TMEM38B: variants seen among roughly 807,000 people sequenced by gnomAD.
The protein encoded by TMEM38B is trimeric intracellular cation channel type B.
TMEM38B carries 24 observed loss-of-function variants against 28.7 expected under a neutral mutation model. That is an observed-to-expected ratio of 0.84 (90% CI 0.61 to 1.18). The LOEUF (loss-of-function observed/expected upper bound fraction) is 1.18, where lower values mean the gene tolerates loss of function less well. Among genes scored for constraint, TMEM38B ranks in the 50% most tolerant of loss-of-function variants. TMEM38B has a pLI of 0.00. For missense variants in TMEM38B, 380 were observed against 350.9 expected (o/e 1.08, Z -0.66); for synonymous variants, 131 against 127.7 (o/e 1.03, Z -0.17).
At chr9:105,711,495 A>C (rs894237906) in intron 2 of TMEM38B, among the ~76,000 whole-genome samples, 2 of 152,030 alleles carry the variant, frequency 1.3e-5, no homozygotes, top group Admixed American at 6.6e-5. Context: ...AAAGCCAAAC[A>C]TAAGACCTAA....
chr9:105,727,153 G>C (rs1836546845), intron 4 of TMEM38B, among the ~76,000 whole-genome samples: 1 of 151,998 alleles, frequency 6.6e-6, no homozygotes, highest in South Asian at 2.1e-4. Context: ...TTATACATTA[G>C]ATCTTTAGAC....
intron 5 of TMEM38B, among the ~76,000 whole-genome samples, chr9:105,766,208 G>T (rs1343400118): frequency 6.6e-6 from 1 of 152,166 alleles, no homozygotes; most frequent in Non-Finnish European, 1.5e-5. Flanking sequence ...CAAAATGGTT[G>T]TATCATTTTA....
intron 2 of TMEM38B, among the ~76,000 whole-genome samples, chr9:105,718,310 C>T (rs1836185706): frequency 1.3e-5 from 2 of 151,496 alleles, no homozygotes; most frequent in Non-Finnish European, 2.9e-5. Context: ...ACGATCTCAG[C>T]TCACTGCAAC....
intron 4 of TMEM38B, among the ~76,000 whole-genome samples, chr9:105,738,715 C>CTTTTTTTTTTTTTTTTT (rs71489351): frequency 9.1e-6 from 1 of 109,690 alleles, no homozygotes; most frequent in African/African-American, 4.1e-5. Context: ...TAATTTTTTC[C>CTTTTTTTTTTTTTTTTT]TTTTTTTTTT....
chr9:105,699,095 A>G (rs759823215), intron 1 of TMEM38B, among the ~76,000 whole-genome samples: 5 of 152,038 alleles, frequency 3.3e-5, no homozygotes, highest in African/African-American at 7.2e-5. Flanking sequence ...TACACTCCAT[A>G]TATGTCTTTT....
At chr9:105,695,620 CCTCTT>C (rs372238033) in intron 1 of TMEM38B, among the ~76,000 whole-genome samples, 6 of 152,130 alleles carry the variant, frequency 3.9e-5, no homozygotes, top group African/African-American at 1.4e-4. Flanking sequence ...GTTGTATGGA[CCTCTT>C]CTTTCTTTGA....
At chr9:105,726,143 A>G (rs945549073) in intron 4 of TMEM38B, among the ~76,000 whole-genome samples, 3 of 152,088 alleles carry the variant, frequency 2.0e-5, no homozygotes, top group Non-Finnish European at 4.4e-5. Flanking sequence ...GGAACATTCT[A>G]ATTCTACTCT....
intron 4 of TMEM38B, among the ~76,000 whole-genome samples, chr9:105,724,980 T>G (rs920204682): frequency 2.6e-5 from 4 of 152,138 alleles, no homozygotes; most frequent in African/African-American, 9.7e-5. Flanking sequence ...CCTTTCCAGT[T>G]TGCTTTGATT....
intron 5 of TMEM38B, among the ~76,000 whole-genome samples, chr9:105,764,546 A>G (rs1439856133): frequency 1.3e-5 from 2 of 152,218 alleles, no homozygotes; most frequent in Non-Finnish European, 2.9e-5. Flanking sequence ...GACCTCTTCA[A>G]GGAGAACTGC....
At chr9:105,697,120 T>C (rs1350069462) in intron 1 of TMEM38B, among the ~76,000 whole-genome samples, 1 of 152,242 alleles carries the variant, frequency 6.6e-6, no homozygotes, top group South Asian at 2.1e-4. Context: ...TTCTGTGTTT[T>C]TGGACAGACA....
At chr9:105,751,942 G>T (rs551912917) in intron 5 of TMEM38B, among the ~76,000 whole-genome samples, 1 of 152,188 alleles carries the variant, frequency 6.6e-6, no homozygotes, top group Non-Finnish European at 1.5e-5. Flanking sequence ...GTAGCTCTCA[G>T]GGGGAGGAGT....
intron 5 of TMEM38B, among the ~76,000 whole-genome samples, chr9:105,768,096 G>C (rs1331474787): frequency 6.6e-6 from 1 of 152,060 alleles, no homozygotes; most frequent in African/African-American, 2.4e-5. Context: ...GGTTAAGGAA[G>C]TTCTCTTTTA....
intron 5 of TMEM38B, among the ~76,000 whole-genome samples, chr9:105,768,008 A>C (rs1035455683): frequency 6.6e-6 from 1 of 152,008 alleles, no homozygotes; most frequent in African/African-American, 2.4e-5. Context: ...TTTGTTTGTG[A>C]CCTTAGTGGG....
At chr9:105,742,266 G>A (rs1384119994) in intron 4 of TMEM38B, among the ~76,000 whole-genome samples, 1 of 152,174 alleles carries the variant, frequency 6.6e-6, no homozygotes. Flanking sequence ...CCTGTGGCCA[G>A]GCCCATAGGC....
At chr9:105,756,897 GA>G (rs1222302705) in intron 5 of TMEM38B, among the ~76,000 whole-genome samples, 3 of 151,932 alleles carry the variant, frequency 2.0e-5, no homozygotes, top group African/African-American at 7.3e-5. Context: ...TAATCATAAT[GA>G]TTTTTTTATC....
At chr9:105,750,857 A>C (rs1311180783) in intron 5 of TMEM38B, among the ~76,000 whole-genome samples, 1 of 152,120 alleles carries the variant, frequency 6.6e-6, no homozygotes, top group East Asian at 1.9e-4. Flanking sequence ...TCTCATGTGG[A>C]TATATAGTTG....
intron 5 of TMEM38B, chr9:105,760,629 C>A (rs1320979940): frequency 1.5e-5 from 12 of 804,514 alleles, no homozygotes; most frequent in Non-Finnish European, 2.7e-5. Context: ...AGAAGGAATA[C>A]CCCTTGATAT....
chr9:105,759,566 C>G, intron 5 of TMEM38B: 9 of 1,549,904 alleles, frequency 5.8e-6, no homozygotes, highest in Non-Finnish European at 8.0e-6. Context: ...AATAGCAAAC[C>G]AAGTTGCTGT....
intron 2 of TMEM38B, among the ~76,000 whole-genome samples, chr9:105,709,204 T>A (rs1835800212): frequency 6.6e-6 from 1 of 152,186 alleles, no homozygotes; most frequent in South Asian, 2.1e-4. Flanking sequence ...AGTTAAATAC[T>A]TATTTTGGGG....
Sources: allele counts gnomAD v4.1 joint callset (sites outside exome capture counted in the v4.1 genomes callset), GRCh38; gene constraint gnomAD v4.1.1; transcripts MANE v1.5; gene names NCBI Gene and HGNC (gene_info 2026-07-23, HGNC 2026-07-21).